Variants in TIGAR observed in about 807,000 individuals in gnomAD.
The protein encoded by TIGAR is fructose-2,6-bisphosphatase TIGAR.
TIGAR carries 7 observed loss-of-function variants against 17.9 expected under a neutral mutation model. That is an observed-to-expected ratio of 0.39 (90% CI 0.22 to 0.73). TIGAR has a LOEUF of 0.73. Among genes scored for constraint, TIGAR ranks in the 30% least tolerant of loss-of-function variants. The pLI is 0.42. For missense variants in TIGAR, 258 were observed against 327.4 expected (o/e 0.79, Z 1.64); for synonymous variants, 94 against 108.6 (o/e 0.87, Z 0.84).
chr12:4,321,242 G>A lies in TIGAR; in HGVS notation c.-30G>A. The stretch of plus-strand genomic sequence containing the variant: ...CGCAGTGCAGGGGCAGCGCGGCGCG[G>A]GGCCACCGACGGGACGCGGCTCCGG... On this transcript the variant is annotated 5_prime_UTR_variant, in exon 1 of 6. Coordinates refer to ENST00000179259, the MANE Select transcript of TIGAR (RefSeq NM_020375.3). This position sits in a 1 kb window ranked among gnomAD's most constrained non-coding sequence, Gnocchi z 5.2. 1 of 1,600,074 alleles carries A rather than the reference G, an allele frequency of 6.2e-7. No homozygotes were observed. The highest frequency in any genetic ancestry group is 8.5e-7 in the Non-Finnish European group (1 of 1,179,730).
At chr12:4,346,190 CAG>C (rs1427321377) in intron 3 of TIGAR, among the ~76,000 whole-genome samples, 7 of 152,330 alleles carry the variant, frequency 4.6e-5, no homozygotes, top group African/African-American at 1.7e-4. Flanking sequence ...TTGTGGAAGA[CAG>C]TGTGGCAATT....
intron 1 of TIGAR, among the ~76,000 whole-genome samples, chr12:4,323,548 A>G (rs1005485031): frequency 2.6e-5 from 4 of 152,206 alleles, no homozygotes; most frequent in Non-Finnish European, 5.9e-5. Context: ...CATTTTTCAC[A>G]TGAGGCAGCT....
chr12:4,343,582 A>G (rs957501876), intron 3 of TIGAR, among the ~76,000 whole-genome samples: 2 of 151,738 alleles, frequency 1.3e-5, no homozygotes, highest in East Asian at 1.9e-4. Flanking sequence ...AAGAAACTCA[A>G]AGCCACTCAA....
chr12:4,343,280 T>C (rs1864744837), intron 3 of TIGAR, among the ~76,000 whole-genome samples: 1 of 152,144 alleles, frequency 6.6e-6, no homozygotes, highest in South Asian at 2.1e-4. Context: ...CACACAATAA[T>C]AATGGGAGAA....
intron 2 of TIGAR, 30 bp downstream of exon 2, chr12:4,331,347 C>G (rs763569691): frequency 6.3e-7 from 1 of 1,599,334 alleles, no homozygotes. Flanking sequence ...TATTTTAGCT[C>G]TCACCCTTGT....
chr12:4,332,277 G>A (rs1864612156), intron 2 of TIGAR, among the ~76,000 whole-genome samples: 1 of 114,114 alleles, frequency 8.8e-6, no homozygotes, highest in African/African-American at 3.4e-5. Flanking sequence ...GGGTCTCACT[G>A]TGCCGCCCAA....
At chr12:4,339,752 G>A (rs773152114) in intron 3 of TIGAR, among the ~76,000 whole-genome samples, 1 of 152,150 alleles carries the variant, frequency 6.6e-6, no homozygotes, top group Non-Finnish European at 1.5e-5. Context: ...ATAAACAAGT[G>A]AATCAATGTG....
At position 4,324,323 on chromosome 12, in the gene TIGAR, C is replaced by CTTT. The variant is rs34096957; in HGVS notation, c.32+3035_32+3037dup. 6,179 of 623,258 alleles carry CTTT rather than the reference C, an allele frequency of 9.9e-3. 10 individuals carry two copies. Among genetic ancestry groups the CTTT allele is most frequent in the South Asian group, 0.024 (1,264 of 52,408 alleles). 38.6% of individuals were successfully genotyped at this position (623,258 alleles called of 1,614,324 possible). On this transcript the variant is annotated intron_variant, in intron 1 of 5. Coordinates refer to ENST00000179259, the MANE Select transcript of TIGAR (RefSeq NM_020375.3). ...CCGGCAAAACCATCCATTTAACTTCCTTTTTTTTTTTTTTTTTGGAAATAT... is the reference window on the plus strand; with the variant it reads ...CCGGCAAAACCATCCATTTAACTTCCTTTTTTTTTTTTTTTTTTTTGGAAATAT...
At position 4,324,724 on chromosome 12, in the gene TIGAR, GAC is replaced by G. The variant is rs1864521806; in HGVS notation, c.32+3424_32+3425del. Reference sequence around the variant, plus strand: ...GTACAGCTGCGTCAGCTGCTCGCAGGACACGTCCCGTCCCGCAGCTGGTCCAA... The same window carrying G: ...GTACAGCTGCGTCAGCTGCTCGCAGGACGTCCCGTCCCGCAGCTGGTCCAA... On this transcript the variant is annotated intron_variant, in intron 1 of 5. Coordinates refer to ENST00000179259, the MANE Select transcript of TIGAR (RefSeq NM_020375.3). 13 of 643,876 alleles carry G rather than the reference GAC, an allele frequency of 2.0e-5. No homozygotes were observed. In the Admixed American group the frequency reaches 3.7e-4, roughly 19 times the overall value. 39.9% of individuals were successfully genotyped at this position (643,876 alleles called of 1,614,324 possible). A position where few individuals can be genotyped will look rare whatever the true frequency, so the allele number is the denominator to read the frequency against.
chr12:4,344,063 G>A (rs1405729331), intron 3 of TIGAR, among the ~76,000 whole-genome samples: 4 of 152,162 alleles, frequency 2.6e-5, no homozygotes, highest in Admixed American at 6.5e-5. Flanking sequence ...AGATCCCACA[G>A]AAATACGAAC....
At chr12:4,336,857 C>T (rs1247041429) in intron 2 of TIGAR, among the ~76,000 whole-genome samples, 182 bp from the exon 3 acceptor site, 4 of 152,152 alleles carry the variant, frequency 2.6e-5, no homozygotes, top group Non-Finnish European at 4.4e-5. Flanking sequence ...AATACCTGAG[C>T]CTTTAAAGAC....
At chr12:4,323,450 T>C (rs2120639441) in intron 1 of TIGAR, among the ~76,000 whole-genome samples, 1 of 152,340 alleles carries the variant, frequency 6.6e-6, no homozygotes, top group South Asian at 2.1e-4. Flanking sequence ...TAGGAATCAT[T>C]TAAAAAATAA....
Position 4,349,777 on chromosome 12 carries a change from G to A in TIGAR, c.193-42G>A, listed in dbSNP as rs1346280647. The A allele has an allele frequency of 4.8e-6, 7 of 1,456,772 alleles. No homozygotes were observed. The East Asian group carries it at 1.7e-4, about 35-fold the overall frequency. The allele number at this position is 1,456,772 out of a possible 1,614,324, so 90.2% of individuals were successfully genotyped here. A position where few individuals can be genotyped will look rare whatever the true frequency, so the allele number is the denominator to read the frequency against. The stretch of plus-strand genomic sequence containing the variant: ...CTTTCAGTGCTTCCACCAGAATGGT[G>A]ATTATTTTTATAAAGAAAGAAACAA... On this transcript the variant is annotated intron_variant, in intron 3 of 5. Transcript: ENST00000179259.
intron 1 of TIGAR, among the ~76,000 whole-genome samples, chr12:4,324,012 A>G (rs1377963908): frequency 6.6e-6 from 1 of 152,244 alleles, no homozygotes; most frequent in Admixed American, 6.5e-5. Context: ...TCTTTAAAGC[A>G]ATTTAAGTTC....
In TIGAR at chr12:4,331,261, C is replaced by T. The variant is rs751776153; in HGVS notation, c.33-19C>T. ...AGTATAATTTGGCTAATAAGGTTGTCCTTCTCTTTCTATTTTAGTGGAGAA... is the reference window on the plus strand; with the variant it reads ...AGTATAATTTGGCTAATAAGGTTGTTCTTCTCTTTCTATTTTAGTGGAGAA... On this transcript the variant is annotated intron_variant, in intron 1 of 5. Coordinates refer to ENST00000179259, the MANE Select transcript of TIGAR (RefSeq NM_020375.3). 3 of 1,603,180 alleles carry T rather than the reference C, an allele frequency of 1.9e-6. No homozygotes were observed. Among genetic ancestry groups the T allele is most frequent in the Non-Finnish European group, 2.6e-6 (3 of 1,170,200 alleles).
intron 1 of TIGAR, among the ~76,000 whole-genome samples, chr12:4,323,647 C>G (rs1446784146): frequency 1.3e-5 from 2 of 152,166 alleles, no homozygotes; most frequent in African/African-American, 4.8e-5. Context: ...CACTCACCGT[C>G]TTTTGTTTCC....
chr12:4,331,219 TTCC>T lies in TIGAR; in HGVS notation c.33-55_33-53del, dbSNP rs1053459896. 12 of 1,452,354 alleles carry T rather than the reference TTCC, an allele frequency of 8.3e-6. No individual in the cohort carries two copies. In the Admixed American group the frequency reaches 1.5e-4, roughly 18 times the overall value. The allele number at this position is 1,452,354 out of a possible 1,614,324, so 90.0% of individuals were successfully genotyped here. Reference sequence around the variant, plus strand: ...TCACCACACTTGATTGCTCATTTTTTTCCTCCTCTCAAAAACAGTATAATTTGG... The same window carrying T: ...TCACCACACTTGATTGCTCATTTTTTTCCTCTCAAAAACAGTATAATTTGG... On this transcript the variant is annotated intron_variant, in intron 1 of 5. Transcript: ENST00000179259.
intron 2 of TIGAR, among the ~76,000 whole-genome samples, chr12:4,332,829 T>C (rs1864618543): frequency 6.6e-6 from 1 of 152,266 alleles, no homozygotes; most frequent in Non-Finnish European, 1.5e-5. Context: ...TTCTTGATTT[T>C]GTTTTTCAAA....
At chr12:4,351,990 C>T (rs568462644) in intron 5 of TIGAR, among the ~76,000 whole-genome samples, 2 of 152,298 alleles carry the variant, frequency 1.3e-5, no homozygotes, top group Admixed American at 6.5e-5. Flanking sequence ...CCTAACTAGA[C>T]CGTGAGTGCT....
Sources: allele counts gnomAD v4.1 joint callset (sites outside exome capture counted in the v4.1 genomes callset), GRCh38; gene constraint gnomAD v4.1.1; non-coding constraint Gnocchi (gnomAD v3.1); transcripts MANE v1.5; gene names NCBI Gene and HGNC (gene_info 2026-07-23, HGNC 2026-07-21).